The following CAMK1D variants were observed in gnomAD, a reference collection of about 807,000 sequenced individuals.
The protein encoded by CAMK1D is calcium/calmodulin-dependent protein kinase type 1D.
In CAMK1D, 9 loss-of-function variants were observed where a neutral mutation model predicts 47.7. That is an observed-to-expected ratio of 0.19 (90% CI 0.11 to 0.33). The LOEUF (loss-of-function observed/expected upper bound fraction) is 0.33. Among genes scored for constraint, CAMK1D ranks in the 10% least tolerant of loss-of-function variants. The pLI is 1.00. For missense variants in CAMK1D, 291 were observed against 488.7 expected (o/e 0.60, Z 3.81); for synonymous variants, 184 against 184.9 (o/e 0.99, Z 0.04).
intron 1 of CAMK1D, among the ~76,000 whole-genome samples, chr10:12,370,847 A>C (rs1837982014): frequency 6.6e-6 from 1 of 152,072 alleles, no homozygotes; most frequent in Non-Finnish European, 1.5e-5. Context: ...ACGTCAGGTG[A>C]TCCACCCACC....
At chr10:12,736,299 C>T (rs548803609) in intron 3 of CAMK1D, among the ~76,000 whole-genome samples, 8 of 152,270 alleles carry the variant, frequency 5.3e-5, no homozygotes, top group Admixed American at 3.3e-4. Context: ...TTCCCCTCGG[C>T]GTCCCCAAGG....
chr10:12,593,230 CTT>C lies in CAMK1D; in HGVS notation c.224+39876_224+39877del, dbSNP rs376443021. Among the ~76,000 whole-genome samples the C allele has an allele frequency of 5.5e-3, 835 of 152,310 alleles. 6 individuals carry two copies. The highest frequency in any genetic ancestry group is 0.019 in the African/African-American group (783 of 41,566). On this transcript the variant is annotated intron_variant, in intron 2 of 10. Transcript: ENST00000619168. The stretch of plus-strand genomic sequence containing the variant: ...TTTAACGAACCCGTTTTAGGGCACT[CTT>C]TACTTTTTCTGCACAGTATGATTAC...
intron 1 of CAMK1D, among the ~76,000 whole-genome samples, chr10:12,462,860 T>C (rs1833477949): frequency 6.6e-6 from 1 of 152,208 alleles, no homozygotes; most frequent in Non-Finnish European, 1.5e-5. Flanking sequence ...CATGCCCAGC[T>C]TGAGCTCTTA....
At chr10:12,403,609 T>G (rs1839309073) in intron 1 of CAMK1D, among the ~76,000 whole-genome samples, 1 of 152,208 alleles carries the variant, frequency 6.6e-6, no homozygotes, top group Admixed American at 6.5e-5. Flanking sequence ...TGATTTATTT[T>G]TCATTTATGA....
intron 1 of CAMK1D, among the ~76,000 whole-genome samples, chr10:12,435,540 AGCAGCCTGTCTGTTG>A (rs141398811): frequency 0.019 from 2,907 of 152,196 alleles, 100 homozygotes; most frequent in African/African-American, 0.066. Context: ...TCCACTCCCA[AGCAGCCTGTCTGTTG>A]GCAGCTCTGA....
intron 5 of CAMK1D, among the ~76,000 whole-genome samples, chr10:12,780,749 G>A (rs1398001000): frequency 6.6e-6 from 1 of 152,126 alleles, no homozygotes; most frequent in Non-Finnish European, 1.5e-5. Context: ...CATCCTCTCC[G>A]ACTGTTAGTG....
rs1491204744 is a variant in CAMK1D, at chr10:12,734,420, A to ACG, written c.300-26528_300-26527insCG. 6.1e-4 allele frequency among the ~76,000 whole-genome samples: 26 copies of ACG among 42,698 alleles called. 1 individual carries two copies. Among genetic ancestry groups the ACG allele is most frequent in the South Asian group, 7.1e-4 (1 of 1,416 alleles). 28.0% of individuals were successfully genotyped at this position (42,698 alleles called of 152,430 possible). A position where few individuals can be genotyped will look rare whatever the true frequency, so the allele number is the denominator to read the frequency against. On this transcript the variant is annotated intron_variant, in intron 3 of 10. Transcript: ENST00000619168. ...TATATATATATACACACACACACAC[A>ACG]TGTATATATATATACACACACACAT...
chr10:12,700,408 C>A (rs978728252), intron 3 of CAMK1D, among the ~76,000 whole-genome samples: 4 of 152,140 alleles, frequency 2.6e-5, no homozygotes, highest in African/African-American at 9.7e-5. Context: ...TGTGACAACT[C>A]AGTATCATGA....
chr10:12,439,038 T>G (rs1189205252), intron 1 of CAMK1D, among the ~76,000 whole-genome samples: 1 of 152,220 alleles, frequency 6.6e-6, no homozygotes, highest in Non-Finnish European at 1.5e-5. Context: ...TTTATTAAAA[T>G]AGAGTCATTT....
At chr10:12,530,179 G>A (rs988886763) in intron 1 of CAMK1D, among the ~76,000 whole-genome samples, 7 of 152,290 alleles carry the variant, frequency 4.6e-5, no homozygotes, top group African/African-American at 9.6e-5. Context: ...CCAAGGCCAC[G>A]CATTCTTCAG....
chr10:12,747,463 G>A (rs915818164), intron 3 of CAMK1D, among the ~76,000 whole-genome samples: 42 of 152,024 alleles, frequency 2.8e-4, no homozygotes, highest in African/African-American at 9.7e-4. Context: ...GCACCACCAC[G>A]CCTGGCCAAT....
At chr10:12,467,009 G>A (rs1833611633) in intron 1 of CAMK1D, among the ~76,000 whole-genome samples, 2 of 152,084 alleles carry the variant, frequency 1.3e-5, no homozygotes, top group African/African-American at 4.8e-5. Flanking sequence ...CCAGGATGTT[G>A]CCCTCGAACT....
intron 1 of CAMK1D, among the ~76,000 whole-genome samples, chr10:12,454,414 G>A (rs534894804): frequency 7.2e-5 from 11 of 152,178 alleles, no homozygotes; most frequent in East Asian, 1.9e-4. Context: ...CATCTGCCTC[G>A]TCCTCCCAAA....
chr10:12,365,981 G>T (rs1369937475), intron 1 of CAMK1D, among the ~76,000 whole-genome samples: 2 of 152,202 alleles, frequency 1.3e-5, no homozygotes, highest in African/African-American at 4.8e-5. Context: ...CCTGGAACCT[G>T]GGAGCCGGAG....
intron 2 of CAMK1D, among the ~76,000 whole-genome samples, chr10:12,570,135 G>T (rs1389662699): frequency 1.3e-5 from 2 of 152,050 alleles, no homozygotes; most frequent in African/African-American, 4.8e-5. Context: ...AGGAGGTGGA[G>T]GTTGCAATGA....
At chr10:12,405,876 C>A (rs774929063) in intron 1 of CAMK1D, among the ~76,000 whole-genome samples, 1 of 152,130 alleles carries the variant, frequency 6.6e-6, no homozygotes, top group African/African-American at 2.4e-5. Flanking sequence ...AATAATTTGC[C>A]AGCCCTTTAA....
chr10:12,824,725 A>G (rs1404588491), intron 9 of CAMK1D, among the ~76,000 whole-genome samples, 173 bp downstream of exon 9: 3 of 152,200 alleles, frequency 2.0e-5, no homozygotes, highest in African/African-American at 7.2e-5. Context: ...TGGAGTGTGC[A>G]ATTCAACACT....
At chr10:12,734,369 T>G (rs369812572) in intron 3 of CAMK1D, among the ~76,000 whole-genome samples, 20 of 10,138 alleles carry the variant, frequency 2.0e-3, no homozygotes, top group Admixed American at 2.9e-3. Context: ...TATATATATA[T>G]ATATATATAG....
intron 3 of CAMK1D, among the ~76,000 whole-genome samples, chr10:12,684,491 A>G (rs1832575196): frequency 6.6e-6 from 1 of 151,888 alleles, no homozygotes; most frequent in African/African-American, 2.4e-5. Flanking sequence ...GAAGATAACT[A>G]ATTTAAAAAA....
Sources: gnomAD v4.1 joint callset for allele counts (sites outside exome capture counted in the v4.1 genomes callset) on GRCh38, gnomAD v4.1.1 for gene constraint, MANE v1.5 for transcripts, NCBI Gene and HGNC (gene_info 2026-07-23, HGNC 2026-07-21) for gene names.